The following NRDE2 variants were observed in gnomAD, a reference collection of about 807,000 sequenced individuals.
The protein encoded by NRDE2 is nuclear exosome regulator NRDE2.
In NRDE2, 76 loss-of-function variants were observed where a neutral mutation model predicts 124.2. The observed-to-expected ratio is 0.61, with a 90% confidence interval of 0.51 to 0.74. The LOEUF is 0.74. Among genes scored for constraint, NRDE2 ranks in the 30% least tolerant of loss-of-function variants. NRDE2 has a pLI of 0.00. For synonymous variants in NRDE2, 489 were observed against 528.1 expected (o/e 0.93, Z 1.01); for missense variants, 1,314 against 1,417.3 (o/e 0.93, Z 1.17).
At chr14:90,319,194 G>A (rs947163083) in intron 1 of NRDE2, among the ~76,000 whole-genome samples, 8 of 152,124 alleles carry the variant, frequency 5.3e-5, no homozygotes, top group Non-Finnish European at 7.3e-5. Context: ...GGGAGCCCAC[G>A]GGGGGTTTGT....
chr14:90,280,351 G>A (rs750927705), intron 12 of NRDE2: 4 of 152,124 alleles, frequency 2.6e-5, no homozygotes, highest in East Asian at 1.9e-4. Context: ...TGTGAGGCTC[G>A]GAGGACTCCT....
At chr14:90,306,758 C>T (rs779244738) in intron 4 of NRDE2, among the ~76,000 whole-genome samples, 4 of 151,252 alleles carry the variant, frequency 2.6e-5, no homozygotes, top group South Asian at 2.1e-4. Flanking sequence ...TGCAGTGAGC[C>T]GGGCTCAAGC....
chr14:90,313,490 A>C lies in NRDE2; in HGVS notation c.408-947T>G, dbSNP rs937096063. 4.6e-5 allele frequency among the ~76,000 whole-genome samples: 7 copies of C among 152,244 alleles called. No individual in the cohort carries two copies. In the East Asian group the frequency reaches 1.4e-3, roughly 29 times the overall value. On this transcript the variant is annotated intron_variant, in intron 3 of 13. Transcript: ENST00000354366. ...TTGCTTATACATCTGGACCTCGTAA[A>C]TAAAGGGCAGAATCACGAGGCTCCC...
At chr14:90,307,611 CG>C (rs1186757124) in intron 4 of NRDE2, among the ~76,000 whole-genome samples, 2 of 151,902 alleles carry the variant, frequency 1.3e-5, no homozygotes, top group East Asian at 3.9e-4. Context: ...TGACCTCAAG[CG>C]ATCCGCCCGC....
Position 90,311,676 on chromosome 14 carries a change from C to T in NRDE2, c.557+718G>A, listed in dbSNP as rs182246156. Among the ~76,000 whole-genome samples the T allele has an allele frequency of 1.2e-4, 19 of 152,054 alleles. No individual in the cohort carries two copies. The East Asian group carries it at 3.7e-3, about 29-fold the overall frequency. ...ATAATAGTATGAAAATGGGCTAATACAGTATCCAATCTTTTGGTTTCCCTG... is the reference window on the plus strand; with the variant it reads ...ATAATAGTATGAAAATGGGCTAATATAGTATCCAATCTTTTGGTTTCCCTG... On this transcript the variant is annotated intron_variant, in intron 4 of 13. Coordinates refer to ENST00000354366, the MANE Select transcript of NRDE2 (RefSeq NM_017970.4).
In NRDE2 at chr14:90,274,310, A is replaced by T. The variant is rs1891743977; in HGVS notation, c.*4026T>A. The T allele has an allele frequency of 6.4e-6, 1 of 155,630 alleles. No homozygotes were observed. The highest frequency in any genetic ancestry group is 1.5e-5 in the Non-Finnish European group (1 of 68,600). 9.6% of individuals were successfully genotyped at this position (155,630 alleles called of 1,614,324 possible). On this transcript the variant is annotated 3_prime_UTR_variant, in exon 14 of 14. Transcript: ENST00000354366. Reference sequence around the variant, plus strand: ...TGTGGGCAGCCTGATGTGCAGTATGAGAGCCCAAGTGGGTGAGGAAGGCAT... The same window carrying T: ...TGTGGGCAGCCTGATGTGCAGTATGTGAGCCCAAGTGGGTGAGGAAGGCAT...
Position 90,278,429 on chromosome 14 carries a change from G to A in NRDE2, c.3402C>T (p.Pro1134=), listed in dbSNP as rs750217500. Residue 1134 remains proline (P), a synonymous_variant, in exon 14 of 14, where the codon CCC becomes CCT. Coordinates refer to ENST00000354366, the MANE Select transcript of NRDE2 (RefSeq NM_017970.4). ...VLYLDAVEYF[P]DEMQEILDLM... is the part of the protein sequence containing the mutation. ...GGTCCAGGATCTCCTGCATCTCATC[G>A]GGGAAATACTCCACGGCGTCCAGGT... 1.1e-5 allele frequency: 18 copies of A among 1,613,934 alleles called. No individual in the cohort carries two copies. The Admixed American group carries it at 2.2e-4, about 19-fold the overall frequency.
At chr14:90,306,808 T>TAA (rs1197428565) in intron 4 of NRDE2, among the ~76,000 whole-genome samples, 1 of 125,432 alleles carries the variant, frequency 8.0e-6, no homozygotes, top group Non-Finnish European at 1.7e-5. Context: ...AGACTTGGTC[T>TAA]CAAAAAAAAA....
At chr14:90,316,343 C>A (rs1885047025) in intron 3 of NRDE2, among the ~76,000 whole-genome samples, 1 of 152,140 alleles carries the variant, frequency 6.6e-6, no homozygotes, top group African/African-American at 2.4e-5. Flanking sequence ...TTGAAAATCC[C>A]AAAGACTTTT....
intron 9 of NRDE2, among the ~76,000 whole-genome samples, chr14:90,291,210 A>C (rs1892263389): frequency 6.6e-6 from 1 of 152,216 alleles, no homozygotes; most frequent in Admixed American, 6.5e-5. Context: ...AGTTCATGTA[A>C]TAATTTAAAA....
In NRDE2 at chr14:90,268,094, T is replaced by TCC; in HGVS notation, c.*10241_*10242insGG. 1 of 660,622 alleles carries TCC rather than the reference T, an allele frequency of 1.5e-6. No homozygotes were observed. The allele number at this position is 660,622 out of a possible 1,614,324, so 40.9% of individuals were successfully genotyped here. A position where few individuals can be genotyped will look rare whatever the true frequency, so the allele number is the denominator to read the frequency against. ...AGAATGGAATGTCGTGACACTTGAA[T>TCC]TGGTGCCATGCCTTAGCATGAGGGC... On this transcript the variant is annotated 3_prime_UTR_variant, in exon 14 of 14. Coordinates refer to ENST00000354366, the MANE Select transcript of NRDE2 (RefSeq NM_017970.4).
chr14:90,300,174 G>C (rs1339791086), intron 7 of NRDE2, among the ~76,000 whole-genome samples: 2 of 152,180 alleles, frequency 1.3e-5, no homozygotes, highest in Non-Finnish European at 2.9e-5. Context: ...GAGGGGGTGA[G>C]AGAAATTCTG....
Position 90,271,892 on chromosome 14 carries a change from ATT to A in NRDE2, c.*6442_*6443del, listed in dbSNP as rs58641715. On this transcript the variant is annotated 3_prime_UTR_variant, in exon 14 of 14. Coordinates refer to ENST00000354366, the MANE Select transcript of NRDE2 (RefSeq NM_017970.4). Reference sequence around the variant, plus strand: ...TGTCTCATGCTTTATTTCAGAACAGATTTTTTTTTTTTTTTTTTTGAGGTAGA... The same window carrying A: ...TGTCTCATGCTTTATTTCAGAACAGATTTTTTTTTTTTTTTTTGAGGTAGA... 6.4e-4 allele frequency: 89 copies of A among 140,116 alleles called. No homozygotes were observed. The highest frequency in any genetic ancestry group is 3.6e-3 in the Middle Eastern group (1 of 280). The allele number at this position is 140,116 out of a possible 1,614,324, so 8.7% of individuals were successfully genotyped here.
chr14:90,312,293 G>A, intron 4 of NRDE2, 101 bp downstream of exon 4: 1 of 1,111,434 alleles, frequency 9.0e-7, no homozygotes, highest in South Asian at 1.4e-5. Context: ...CAACAGAACT[G>A]ATGAAAGAGA....
At chr14:90,327,273 G>A (rs1055474707) in intron 1 of NRDE2, among the ~76,000 whole-genome samples, 15 of 152,216 alleles carry the variant, frequency 9.9e-5, no homozygotes, top group African/African-American at 7.2e-5. Flanking sequence ...GGTCAGGCCC[G>A]GCATGATGGC....
intron 12 of NRDE2, among the ~76,000 whole-genome samples, chr14:90,282,856 A>G (rs111871677): frequency 0.018 from 2,767 of 152,214 alleles, 83 homozygotes; most frequent in African/African-American, 0.063. Flanking sequence ...TAGTAGAGAC[A>G]GGGTTTCTCC....
chr14:90,303,873 T>C (rs942591497), intron 5 of NRDE2, 62 bp downstream of exon 5: 3 of 1,456,172 alleles, frequency 2.1e-6, no homozygotes, highest in Non-Finnish European at 2.8e-6. Flanking sequence ...GCACAGTCCA[T>C]CAGTTTGCCC....
intron 10 of NRDE2, 63 bp from the exon 11 acceptor site, chr14:90,289,208 A>G: frequency 1.5e-6 from 2 of 1,377,820 alleles, no homozygotes; most frequent in Non-Finnish European, 2.0e-6. Context: ...TCTGCTGCCA[A>G]CTGTAGAAAG....
intron 10 of NRDE2, 83 bp from the exon 11 acceptor site, chr14:90,289,228 G>T: frequency 9.0e-7 from 1 of 1,110,854 alleles, no homozygotes; most frequent in Non-Finnish European, 1.3e-6. Context: ...GCACTGACAG[G>T]AAAAAAGGCG....
Sources: allele counts gnomAD v4.1 joint callset (sites outside exome capture counted in the v4.1 genomes callset), GRCh38; gene constraint gnomAD v4.1.1; transcripts MANE v1.5; gene names NCBI Gene and HGNC (gene_info 2026-07-23, HGNC 2026-07-21).